Variants in RABEP2 observed in about 807,000 individuals in gnomAD.
The protein encoded by RABEP2 is rab GTPase-binding effector protein 2.
A neutral mutation model predicts 74.1 loss-of-function variants in RABEP2; 57 were observed. The observed-to-expected ratio is 0.77, with a 90% confidence interval of 0.62 to 0.96. The LOEUF is 0.96. RABEP2 is among the 40% of genes least tolerant of loss of function. The pLI, the probability that RABEP2 is intolerant of heterozygous loss-of-function variation, is 0.00. For missense variants in RABEP2, 692 were observed against 756.3 expected (o/e 0.91, Z 1.00); for synonymous variants, 351 against 344.0 (o/e 1.02, Z -0.23).
chr16:28,914,246 A>C lies in RABEP2; in HGVS notation c.884T>G (p.Leu295Arg), dbSNP rs747906027. The C allele has an allele frequency of 6.2e-6, 10 of 1,601,364 alleles. No individual in the cohort carries two copies. The highest frequency in any genetic ancestry group is 7.7e-6 in the Non-Finnish European group (9 of 1,174,652). The change falls in exon 5 of 13, where the codon CTG (leucine) becomes CGG (arginine). Residue 295 changes from leucine (L) to arginine (R), a missense_variant. Transcript: ENST00000358201. ...GCCCACAACACTCACCTCTGTCTGC[A>C]GCTGCTCCCACTGAGTGTCTGGGAC... The part of the protein sequence containing the change: ...QLVPDTQWEQ[L>R]QTEGRQLQKD...
chr16:28,919,515 A>AT (rs889652932), intron 3 of RABEP2, among the ~76,000 whole-genome samples: 1 of 152,212 alleles, frequency 6.6e-6, no homozygotes, highest in African/African-American at 2.4e-5. Flanking sequence ...AACAGTAAGA[A>AT]TTTTTTTTGT....
intron 2 of RABEP2, among the ~76,000 whole-genome samples, chr16:28,923,341 G>A (rs1964491689): frequency 6.6e-6 from 1 of 152,012 alleles, no homozygotes; most frequent in Admixed American, 6.6e-5. Context: ...AGCCCAGGAG[G>A]TGGAGGTTGC....
At position 28,906,187 on chromosome 16, in the gene RABEP2, G is replaced by C; in HGVS notation, c.1255C>G (p.Gln419Glu). 2 of 1,588,556 alleles carry C rather than the reference G, an allele frequency of 1.3e-6. No individual in the cohort carries two copies. Among genetic ancestry groups the C allele is most frequent in the Non-Finnish European group, 1.7e-6 (2 of 1,173,880 alleles). Residue 419 changes from glutamine (Q) to glutamate (E), a missense_variant, in exon 9 of 13, where the codon CAG (glutamine) becomes GAG (glutamate). Gln to Glu is a conservative substitution (Grantham distance 29). Coordinates refer to ENST00000358201, the MANE Select transcript of RABEP2 (RefSeq NM_024816.3). The part of the protein sequence containing the change: ...SLPSSVPELQ[Q>E]LLCCTRQEAR... ...TCTTGCCGCGTGCAGCACAGCAGCT[G>C]CTGCAGCTCCTGGAAGGGACGGAGG...
At chr16:28,916,595 C>T (rs781276325) in intron 3 of RABEP2, among the ~76,000 whole-genome samples, 1 of 150,752 alleles carries the variant, frequency 6.6e-6, no homozygotes, top group Non-Finnish European at 1.5e-5. Flanking sequence ...TCACTTGAAC[C>T]CGGGAGGTGG....
intron 3 of RABEP2, among the ~76,000 whole-genome samples, chr16:28,916,693 A>T (rs1964399057): frequency 1.3e-5 from 2 of 149,896 alleles, no homozygotes; most frequent in South Asian, 4.2e-4. Flanking sequence ...AAAAAAAAAA[A>T]AAAAATTTCT....
chr16:28,914,785 G>T lies in RABEP2; in HGVS notation c.433-3C>A. On this transcript the variant is annotated splice_region_variant and splice_polypyrimidine_tract_variant and intron_variant, in intron 3 of 12. Coordinates refer to ENST00000358201, the MANE Select transcript of RABEP2 (RefSeq NM_024816.3). ...AGCTTCTCCGAGTCCTCGTGGGCCT[G>T]GAGGGAGCGGGGTGTGGCAGCAATA... is the stretch of plus-strand genomic sequence containing the variant. The T allele has an allele frequency of 6.2e-7, 1 of 1,613,644 alleles. No homozygotes were observed. The highest frequency in any genetic ancestry group is 8.5e-7 in the Non-Finnish European group (1 of 1,179,672).
intron 7 of RABEP2, among the ~76,000 whole-genome samples, chr16:28,909,357 G>A (rs1964280152): frequency 6.6e-6 from 1 of 152,108 alleles, no homozygotes; most frequent in Non-Finnish European, 1.5e-5. Context: ...GATTACAGGT[G>A]TGAGCCACCG....
intron 5 of RABEP2, among the ~76,000 whole-genome samples, chr16:28,912,121 C>T (rs1223680008): frequency 6.6e-6 from 1 of 151,802 alleles, no homozygotes; most frequent in Non-Finnish European, 1.5e-5. Context: ...TGGCAGGCGC[C>T]TGTAGTCCCA....
At chr16:28,907,949 G>A (rs972493873) in intron 8 of RABEP2, among the ~76,000 whole-genome samples, 1 of 152,122 alleles carries the variant, frequency 6.6e-6, no homozygotes, top group Non-Finnish European at 1.5e-5. Flanking sequence ...ACAGGTGCCC[G>A]CCACCACACC....
At position 28,904,980 on chromosome 16, in the gene RABEP2, G is replaced by T; in HGVS notation, c.1673C>A (p.Ala558Glu). ...LEQVRSIMDE[A>E]PLTDVRDIKD... ...GATGTCCCTGACGTCCGTGAGTGGC[G>T]CCTCATCCATGATGCTGCGCACTTG... Residue 558 changes from alanine to glutamate, a missense_variant, in exon 13 of 13, where the codon GCG becomes GAG. By Grantham distance (107) the Ala-to-Glu change is moderately radical (BLOSUM62 -1). Coordinates refer to ENST00000358201, the MANE Select transcript of RABEP2 (RefSeq NM_024816.3). 1 of 1,612,726 alleles carries T rather than the reference G, an allele frequency of 6.2e-7. No individual in the cohort carries two copies. The highest frequency in any genetic ancestry group is 2.2e-5 in the East Asian group (1 of 44,880).
chr16:28,924,192 C>T (rs1964503160), intron 2 of RABEP2: 1 of 585,130 alleles, frequency 1.7e-6, no homozygotes, highest in South Asian at 2.0e-5. Flanking sequence ...GGGAGCTAAA[C>T]TTAGCTATAA....
chr16:28,907,087 G>A (rs1412362203), intron 8 of RABEP2, among the ~76,000 whole-genome samples: 2 of 152,060 alleles, frequency 1.3e-5, no homozygotes, highest in African/African-American at 4.8e-5. Context: ...GGAATGGGGA[G>A]GAGGTGCCCG....
intron 8 of RABEP2, among the ~76,000 whole-genome samples, chr16:28,907,700 C>T (rs981750431): frequency 1.3e-5 from 2 of 152,190 alleles, no homozygotes; most frequent in African/African-American, 2.4e-5. Flanking sequence ...TGCAGTGGCG[C>T]GATCTTGGCT....
At chr16:28,910,028 C>CAAAAAA (rs779404464) in intron 7 of RABEP2, among the ~76,000 whole-genome samples, 2 of 69,142 alleles carry the variant, frequency 2.9e-5, no homozygotes, top group Non-Finnish European at 6.1e-5. Flanking sequence ...GACTCCGTCT[C>CAAAAAA]AAAAAAAAAA....
rs78683101 is a variant in RABEP2, at chr16:28,913,936, C to CT, written c.894+299dup. Among the ~76,000 whole-genome samples the CT allele has an allele frequency of 2.7e-3, 372 of 136,656 alleles. 2 individuals are homozygous for CT. Among genetic ancestry groups the CT allele is most frequent in the African/African-American group, 5.3e-3 (197 of 37,278 alleles). The allele number at this position is 136,656 out of a possible 152,430, so 89.7% of individuals were successfully genotyped here. A position where few individuals can be genotyped will look rare whatever the true frequency, so the allele number is the denominator to read the frequency against. On this transcript the variant is annotated intron_variant, in intron 5 of 12. Transcript: ENST00000358201. ...GCTGGGACTACAAGTGTATACTTGG[C>CT]TTTTTTTTTTTTTTTTAACTTTTGT...
chr16:28,917,048 C>T (rs1964405903), intron 3 of RABEP2, among the ~76,000 whole-genome samples: 1 of 151,880 alleles, frequency 6.6e-6, no homozygotes, highest in Non-Finnish European at 1.5e-5. Flanking sequence ...TTTTCAATCA[C>T]ATGCAGCCAA....
intron 12 of RABEP2, 21 bp from the exon 13 acceptor site, chr16:28,905,065 A>T: frequency 6.3e-7 from 1 of 1,582,250 alleles, no homozygotes; most frequent in South Asian, 1.1e-5. Flanking sequence ...GGACGAGGGG[A>T]GCAGAGTGCA....
Position 28,908,632 on chromosome 16 carries a change from C to T in RABEP2, c.1222G>A (p.Glu408Lys). Residue 408 changes from glutamate (E) to lysine (K), a missense_variant, in exon 8 of 13, where the codon GAA (glutamate) becomes AAA (lysine). Physicochemically the swap from Glu to Lys is moderately conservative, Grantham distance 56. Coordinates refer to ENST00000358201, the MANE Select transcript of RABEP2 (RefSeq NM_024816.3). ...ACTGGCACAGAGCTGGGCAGTGATT[C>T]CTCCTCGCCCTGCTCCTGCTGCGAG... The part of the protein sequence containing the change: ...QGSQQEQGEE[E>K]SLPSSVPELQ... The T allele has an allele frequency of 6.2e-7, 1 of 1,613,398 alleles. No homozygotes were observed. Among genetic ancestry groups the T allele is most frequent in the Middle Eastern group, 1.7e-4 (1 of 6,056 alleles).
At chr16:28,918,622 A>C (rs1964427432) in intron 3 of RABEP2, among the ~76,000 whole-genome samples, 1 of 151,928 alleles carries the variant, frequency 6.6e-6, no homozygotes, top group African/African-American at 2.4e-5. Context: ...CTCAATAATA[A>C]ATGAATAAAT....
Sources: gnomAD v4.1 joint callset for allele counts (sites outside exome capture counted in the v4.1 genomes callset) on GRCh38, gnomAD v4.1.1 for gene constraint, MANE v1.5 for transcripts, NCBI Gene and HGNC (gene_info 2026-07-23, HGNC 2026-07-21) for gene names.